Variants in FAM171A1 observed in about 807,000 individuals in gnomAD.
The protein encoded by FAM171A1 is family with sequence similarity 171 member A1.
FAM171A1 carries 23 observed loss-of-function variants against 74.9 expected under a neutral mutation model. That is an observed-to-expected ratio of 0.31 (90% CI 0.22 to 0.44). FAM171A1 has a LOEUF of 0.44. FAM171A1 is among the 20% of genes least tolerant of loss of function. The pLI, the probability that FAM171A1 is intolerant of heterozygous loss-of-function variation, is 1.00. For missense variants in FAM171A1, 1,162 were observed against 1,159.2 expected, an observed-to-expected ratio of 1.00 and a Z score of -0.03; for synonymous variants, 527 against 505.7, an observed-to-expected ratio of 1.04 and a Z score of -0.57.
chr10:15,220,648 C>G (rs893851610), intron 6 of FAM171A1, among the ~76,000 whole-genome samples: 6 of 152,074 alleles, frequency 3.9e-5, no homozygotes, highest in Non-Finnish European at 8.8e-5. Flanking sequence ...GGGAGGAGGT[C>G]TTGCTGGTCT....
intron 1 of FAM171A1, among the ~76,000 whole-genome samples, chr10:15,320,878 T>G (rs1186683690): frequency 1.3e-5 from 2 of 152,236 alleles, no homozygotes; most frequent in Non-Finnish European, 2.9e-5. Flanking sequence ...AAATTATCAA[T>G]GAAAAGTATG....
intron 3 of FAM171A1, among the ~76,000 whole-genome samples, chr10:15,274,752 C>T (rs1834871305): frequency 6.6e-6 from 1 of 152,144 alleles, no homozygotes; most frequent in South Asian, 2.1e-4. Context: ...ACCGTCTGAT[C>T]TTTGACAAAC....
chr10:15,285,356 C>T (rs920880228), intron 1 of FAM171A1, among the ~76,000 whole-genome samples: 2 of 152,110 alleles, frequency 1.3e-5, no homozygotes, highest in East Asian at 3.9e-4. Flanking sequence ...ATTCTTTATT[C>T]TAAAGGCAAT....
intron 5 of FAM171A1, among the ~76,000 whole-genome samples, chr10:15,234,746 G>T (rs1834259760): frequency 6.6e-6 from 1 of 151,942 alleles, no homozygotes; most frequent in Non-Finnish European, 1.5e-5. Flanking sequence ...TCTGCCTCTG[G>T]GGTTCACGCC....
chr10:15,235,415 T>C (rs745518369), intron 5 of FAM171A1, among the ~76,000 whole-genome samples: 2 of 151,884 alleles, frequency 1.3e-5, no homozygotes, highest in African/African-American at 2.4e-5. Flanking sequence ...GAACTGAACT[T>C]GTCACTTGCA....
At chr10:15,312,084 G>A (rs918777113) in intron 1 of FAM171A1, among the ~76,000 whole-genome samples, 1 of 152,248 alleles carries the variant, frequency 6.6e-6, no homozygotes, top group African/African-American at 2.4e-5. Flanking sequence ...TGAGATTCAA[G>A]CGTGCATCTT....
intron 6 of FAM171A1, among the ~76,000 whole-genome samples, chr10:15,218,369 G>A (rs1376440444): frequency 1.3e-5 from 2 of 151,976 alleles, no homozygotes; most frequent in African/African-American, 2.4e-5. Flanking sequence ...ATGAACCACC[G>A]TGCCTGGCCA....
At chr10:15,218,809 T>A (rs1833999756) in intron 6 of FAM171A1, among the ~76,000 whole-genome samples, 2 of 152,078 alleles carry the variant, frequency 1.3e-5, no homozygotes, top group South Asian at 4.1e-4. Flanking sequence ...TTGCCCAGGC[T>A]GGTCTTGAAC....
rs1167343084 is a variant in FAM171A1, at chr10:15,236,049, G to A, written c.754+12590C>T. 8.5e-5 allele frequency among the ~76,000 whole-genome samples: 13 copies of A among 152,212 alleles called. No homozygotes were observed. In the South Asian group the frequency reaches 2.1e-3, roughly 24 times the overall value. On this transcript the variant is annotated intron_variant, in intron 5 of 7. Transcript: ENST00000378116. ...CTCGCTTTGGACATCAGAGACTTAC[G>A]TTCCTGCTGTACCCAAATTAAAAGG...
At chr10:15,312,673 GTTTTTTTTTTTTTTTTTTTTTTTTTTT>G (rs1169098742) in intron 1 of FAM171A1, among the ~76,000 whole-genome samples, 1 of 36,382 alleles carries the variant, frequency 2.7e-5, no homozygotes, top group Non-Finnish European at 4.7e-5. Flanking sequence ...AGCACTGTGT[GTTTTTTTTTTTTTTTTTTTTTTTTTTT>G]TTTTTTTTTT....
chr10:15,371,995 G>A (rs7079621), upstream of FAM171A1, among the ~76,000 whole-genome samples: 726 of 152,262 alleles, frequency 4.8e-3, 9 homozygotes, highest in African/African-American at 0.016. Context: ...AAAATTATAA[G>A]AGGAAACATC....
intron 3 of FAM171A1, among the ~76,000 whole-genome samples, chr10:15,264,367 C>A (rs935928980): frequency 6.6e-6 from 1 of 151,950 alleles, no homozygotes; most frequent in Non-Finnish European, 1.5e-5. Context: ...ACTGGCCGGG[C>A]ATAGTGGCTT....
At chr10:15,255,962 A>G (rs1834575645) in intron 3 of FAM171A1, among the ~76,000 whole-genome samples, 1 of 151,458 alleles carries the variant, frequency 6.6e-6, no homozygotes, top group Admixed American at 6.6e-5. Flanking sequence ...TGTTGTTTTG[A>G]TCATAAAACC....
intron 1 of FAM171A1, among the ~76,000 whole-genome samples, chr10:15,364,064 G>T (rs1239914752): frequency 6.6e-5 from 10 of 151,940 alleles, no homozygotes; most frequent in Non-Finnish European, 1.3e-4. Context: ...TGGGGGGGCG[G>T]TCCCTAACAT....
At position 15,254,866 on chromosome 10, in the gene FAM171A1, C is replaced by T. The variant is rs1445572792; in HGVS notation, c.432G>A (p.Gln144=). ...CCCTTCTCTGGAAATGAACGCGAGG[C>T]TGTGGCCGGGCACCTGCAGAGATTA... ...IVSGFQGARP[Q]PRVHFQRRAL... The change falls in exon 4 of 8, where the codon CAG becomes CAA. Residue 144 remains glutamine (Q), a synonymous_variant. Transcript: ENST00000378116. 6.2e-7 allele frequency: 1 copy of T among 1,613,836 alleles called. No homozygotes were observed. Among genetic ancestry groups the T allele is most frequent in the Non-Finnish European group, 8.5e-7 (1 of 1,179,724 alleles).
intron 5 of FAM171A1, among the ~76,000 whole-genome samples, chr10:15,234,716 G>A (rs888901123): frequency 2.0e-5 from 3 of 151,570 alleles, no homozygotes; most frequent in African/African-American, 4.8e-5. Context: ...GCAGTGGCGC[G>A]ATCTTGGCTC....
intron 5 of FAM171A1, among the ~76,000 whole-genome samples, chr10:15,225,158 T>C (rs1048391413): frequency 1.3e-5 from 2 of 152,200 alleles, no homozygotes; most frequent in African/African-American, 4.8e-5. Flanking sequence ...ACTCCATGGG[T>C]GTGGCCTGTG....
chr10:15,341,400 A>G (rs552555252), intron 1 of FAM171A1, among the ~76,000 whole-genome samples: 1 of 152,372 alleles, frequency 6.6e-6, no homozygotes, highest in Admixed American at 6.5e-5. Flanking sequence ...CCAAATGAGC[A>G]AAGTATAAAA....
intron 7 of FAM171A1, among the ~76,000 whole-genome samples, chr10:15,215,656 G>A (rs1355668929): frequency 1.3e-5 from 2 of 152,116 alleles, no homozygotes; most frequent in African/African-American, 4.8e-5. Flanking sequence ...GTGAGCCAAC[G>A]TCCCTGGCCC....
Sources: allele counts gnomAD v4.1 joint callset (sites outside exome capture counted in the v4.1 genomes callset), GRCh38; gene constraint gnomAD v4.1.1; transcripts MANE v1.5; gene names NCBI Gene and HGNC (gene_info 2026-07-23, HGNC 2026-07-21).